PHACTR4: variants seen among roughly 807,000 people sequenced by gnomAD.
PHACTR4 encodes the protein protein phosphatase 1, regulatory subunit 124.
A neutral mutation model predicts 72.7 loss-of-function variants in PHACTR4; 51 were observed. That is an observed-to-expected ratio of 0.70 (90% CI 0.56 to 0.89). The LOEUF is 0.89. PHACTR4 is among the 40% of genes least tolerant of loss of function. The probability of loss-of-function intolerance (pLI) is 0.00; values close to 1 mark genes in which losing one functional copy is unlikely to be tolerated. For missense variants in PHACTR4, 731 were observed against 861.8 expected (o/e 0.85, Z 1.90); for synonymous variants, 255 against 302.5 (o/e 0.84, Z 1.63).
chr1:28,465,323 G>A (rs114594246), intron 4 of PHACTR4, among the ~76,000 whole-genome samples: 4,155 of 152,122 alleles, frequency 0.027, 87 homozygotes, highest in Non-Finnish European at 0.04. Flanking sequence ...TTAGTCGGGC[G>A]TGGTGGCAGG....
At chr1:28,433,957 T>A (rs926744227) in intron 2 of PHACTR4, among the ~76,000 whole-genome samples, 7 of 151,838 alleles carry the variant, frequency 4.6e-5, no homozygotes, top group Non-Finnish European at 2.9e-5. Flanking sequence ...ATATTTGTAT[T>A]TTTAGTAGAG....
intron 1 of PHACTR4, among the ~76,000 whole-genome samples, chr1:28,383,998 C>G (rs1269551889): frequency 6.6e-6 from 1 of 152,178 alleles, no homozygotes; most frequent in Non-Finnish European, 1.5e-5. Context: ...AACCTTGCAT[C>G]CCAGGGCTAA....
chr1:28,452,767 G>T (rs1658070371), intron 2 of PHACTR4, among the ~76,000 whole-genome samples: 2 of 152,090 alleles, frequency 1.3e-5, no homozygotes, highest in African/African-American at 4.8e-5. Context: ...CTGCACTCCA[G>T]CCTGGGAGAC....
intron 8 of PHACTR4, among the ~76,000 whole-genome samples, chr1:28,477,390 A>G (rs116018295): frequency 0.011 from 1,646 of 149,598 alleles, 28 homozygotes; most frequent in African/African-American, 0.038. Flanking sequence ...CCAGGCTGTT[A>G]TTGAACTCCT....
chr1:28,469,180 G>T (rs558644896), intron 6 of PHACTR4, among the ~76,000 whole-genome samples: 1 of 152,196 alleles, frequency 6.6e-6, no homozygotes, highest in South Asian at 2.1e-4. Context: ...AAAGGATTAT[G>T]ATCATAAATG....
At chr1:28,419,913 A>G (rs923071960) in intron 2 of PHACTR4, among the ~76,000 whole-genome samples, 2 of 152,168 alleles carry the variant, frequency 1.3e-5, no homozygotes, top group African/African-American at 4.8e-5. Flanking sequence ...AATGTTGTGT[A>G]TATCCTTCTA....
chr1:28,474,267 C>G (rs1659775147), intron 7 of PHACTR4, 116 bp downstream of exon 7: 1 of 979,580 alleles, frequency 1.0e-6, no homozygotes, highest in Non-Finnish European at 1.5e-6. Flanking sequence ...CACCTGTAAG[C>G]CCAGCACTTT....
At chr1:28,388,819 C>T (rs888614249) in intron 1 of PHACTR4, among the ~76,000 whole-genome samples, 10 of 152,040 alleles carry the variant, frequency 6.6e-5, no homozygotes, top group Admixed American at 5.9e-4. Context: ...CATTGTACTC[C>T]AGCCTGGGCG....
At chr1:28,460,112 T>G (rs1199992877) in intron 3 of PHACTR4, 100 bp from the exon 4 acceptor site, 2 of 671,008 alleles carry the variant, frequency 3.0e-6, no homozygotes, top group East Asian at 3.0e-5. Flanking sequence ...AATATAAACT[T>G]AAACTACTTT....
intron 9 of PHACTR4, 146 bp from the exon 10 acceptor site, chr1:28,489,024 A>G (rs2124549484): frequency 1.8e-6 from 1 of 558,154 alleles, no homozygotes; most frequent in Non-Finnish European, 3.1e-6. Flanking sequence ...TTTATAAACA[A>G]TCATAAATAA....
rs1056159088 is a variant in PHACTR4 at position 28,438,272 on chromosome 1, G to A, written c.17-20813G>A. 5.5e-6 allele frequency: 8 copies of A among 1,465,650 alleles called. No homozygotes were observed. The African/African-American group carries it at 8.6e-5, about 16-fold the overall frequency. 90.8% of individuals were successfully genotyped at this position (1,465,650 alleles called of 1,614,324 possible). On this transcript the variant is annotated intron_variant, in intron 2 of 13. Transcript: ENST00000373839. ...TTATGCCATTTCCTGATGTTTGGCA[G>A]TGACACTGAAAGAGGACCGCATGTC...
chr1:28,484,853 C>T (rs905024885), intron 9 of PHACTR4, among the ~76,000 whole-genome samples: 2 of 152,004 alleles, frequency 1.3e-5, no homozygotes, highest in African/African-American at 2.4e-5. Flanking sequence ...GTAGTCCCAG[C>T]TACTCGGGAG....
intron 9 of PHACTR4, chr1:28,481,559 G>A (rs1660282246): frequency 6.6e-6 from 1 of 152,098 alleles, no homozygotes; most frequent in Admixed American, 6.6e-5. Context: ...GGAGGCTGAG[G>A]TAGGCAGATC....
chr1:28,412,257 C>T (rs776589266), intron 2 of PHACTR4, among the ~76,000 whole-genome samples: 17 of 152,110 alleles, frequency 1.1e-4, no homozygotes, highest in Non-Finnish European at 2.4e-4. Flanking sequence ...AAATGCCTGT[C>T]AGCTATCTAA....
chr1:28,480,601 T>G lies in PHACTR4; in HGVS notation c.1757T>G (p.Ile586Ser), dbSNP rs746483162. The change falls in exon 9 of 14, where the codon ATC becomes AGC. Residue 586 changes from isoleucine (I) to serine (S), a missense_variant. By Grantham distance (142) the Ile-to-Ser change is moderately radical (BLOSUM62 -2). Around this residue, in one of 2 missense-constraint regions of PHACTR4, gnomAD observed 110 missense variants for 185.2 expected, o/e 0.59. Transcript: ENST00000373839. Reference protein sequence around the residue: ...EIRHQIGNTLIRRLSQRPTPE... With the variant: ...EIRHQIGNTLSRRLSQRPTPE... ...CGGCACCAGATTGGAAACACACTGATCCGGTAGGCCTTTGCTTAGATTTGC... is the reference window on the plus strand; with the variant it reads ...CGGCACCAGATTGGAAACACACTGAGCCGGTAGGCCTTTGCTTAGATTTGC... 1.2e-6 allele frequency: 2 copies of G among 1,614,108 alleles called. No individual in the cohort carries two copies. Among genetic ancestry groups the G allele is most frequent in the South Asian group, 1.1e-5 (1 of 91,080 alleles).
chr1:28,421,105 T>A (rs1655478892), intron 2 of PHACTR4, among the ~76,000 whole-genome samples: 2 of 152,184 alleles, frequency 1.3e-5, no homozygotes, highest in African/African-American at 4.8e-5. Context: ...ATTACTACAG[T>A]CAAAACAACG....
intron 7 of PHACTR4, among the ~76,000 whole-genome samples, chr1:28,475,645 A>G (rs775113436): frequency 1.3e-5 from 2 of 151,922 alleles, no homozygotes; most frequent in African/African-American, 2.4e-5. Flanking sequence ...TCTTAGTAAG[A>G]TTGTTAAAGT....
chr1:28,406,634 A>G (rs1654345057), intron 1 of PHACTR4, among the ~76,000 whole-genome samples: 3 of 152,140 alleles, frequency 2.0e-5, no homozygotes, highest in Admixed American at 6.6e-5. Context: ...TCCTGTCAGT[A>G]GGTTGTGACT....
intron 13 of PHACTR4, among the ~76,000 whole-genome samples, chr1:28,495,099 ACT>A (rs1298791836): frequency 6.6e-6 from 1 of 151,950 alleles, no homozygotes; most frequent in Non-Finnish European, 1.5e-5. Context: ...AGTCAAAATG[ACT>A]CTGATATTTT....
Sources: allele counts gnomAD v4.1 joint callset (sites outside exome capture counted in the v4.1 genomes callset), GRCh38; gene constraint gnomAD v4.1.1; regional missense constraint gnomAD v4.1.1; transcripts MANE v1.5; gene names NCBI Gene and HGNC (gene_info 2026-07-23, HGNC 2026-07-21).